Variants in PXDNL observed in about 807,000 individuals in gnomAD.
PXDNL encodes peroxidasin like.
Under a neutral mutation model 150.8 loss-of-function variants are expected in PXDNL, and 145 were observed. The ratio of observed to expected loss-of-function variants is 0.96; its 90% CI spans 0.84 to 1.10. The LOEUF (loss-of-function observed/expected upper bound fraction) is 1.10, where lower values mean the gene tolerates loss of function less well. Among genes scored for constraint, PXDNL ranks in the 50% least tolerant of loss-of-function variants. PXDNL has a pLI of 0.00. For synonymous variants in PXDNL, 757 were observed against 725.7 expected (o/e 1.04, Z -0.69); for missense variants, 2,087 against 1,873.9 (o/e 1.11, Z -2.10).
intron 1 of PXDNL, among the ~76,000 whole-genome samples, chr8:51,663,614 C>T (rs763228177): frequency 2.0e-5 from 3 of 152,150 alleles, no homozygotes; most frequent in South Asian, 2.1e-4. Flanking sequence ...GCGGTTTTGA[C>T]GGTGGTATCC....
chr8:51,556,749 A>G (rs368182211), intron 4 of PXDNL, 91 bp downstream of exon 4: 1 of 722,966 alleles, frequency 1.4e-6, no homozygotes, highest in East Asian at 2.6e-5. Context: ...AGCTTAAAAT[A>G]ATTGTTCAAC....
At chr8:51,350,058 C>G (rs1246888724) in intron 19 of PXDNL, among the ~76,000 whole-genome samples, 3 of 152,006 alleles carry the variant, frequency 2.0e-5, no homozygotes, top group Non-Finnish European at 4.4e-5. Context: ...TTCTTTATCT[C>G]TTACCGAGAA....
At chr8:51,392,024 G>A (rs558716926) in intron 17 of PXDNL, among the ~76,000 whole-genome samples, 3 of 152,248 alleles carry the variant, frequency 2.0e-5, no homozygotes, top group Non-Finnish European at 4.4e-5. Flanking sequence ...GTTTTTCTCA[G>A]GCTTGTCAAA....
At chr8:51,604,610 T>A (rs1158364877) in intron 2 of PXDNL, among the ~76,000 whole-genome samples, 1 of 152,196 alleles carries the variant, frequency 6.6e-6, no homozygotes, top group Non-Finnish European at 1.5e-5. Flanking sequence ...GTAACAAACC[T>A]GCACGTTGTG....
intron 1 of PXDNL, among the ~76,000 whole-genome samples, chr8:51,734,781 C>T (rs1244392651): frequency 6.6e-6 from 1 of 152,154 alleles, no homozygotes; most frequent in Non-Finnish European, 1.5e-5. Flanking sequence ...GCTGCTGAGA[C>T]TCAAAGCAAT....
chr8:51,641,037 C>G (rs561557289), intron 2 of PXDNL, among the ~76,000 whole-genome samples: 1 of 152,230 alleles, frequency 6.6e-6, no homozygotes, highest in Admixed American at 6.5e-5. Flanking sequence ...ACAGAGCCCT[C>G]AGAAATAACG....
At chr8:51,540,841 C>T (rs1225495918) in intron 4 of PXDNL, among the ~76,000 whole-genome samples, 1 of 152,090 alleles carries the variant, frequency 6.6e-6, no homozygotes, top group Non-Finnish European at 1.5e-5. Context: ...AGTTGTATCA[C>T]ATTTTGGCAC....
intron 1 of PXDNL, among the ~76,000 whole-genome samples, chr8:51,656,991 C>CG (rs35029842): frequency 0.55 from 83,057 of 152,006 alleles, 27,526 homozygotes; most frequent in Non-Finnish European, 0.72. Flanking sequence ...TGACTTATGA[C>CG]GGGGTTATGT....
At chr8:51,805,240 C>T (rs898051112) in intron 1 of PXDNL, among the ~76,000 whole-genome samples, 3 of 151,444 alleles carry the variant, frequency 2.0e-5, no homozygotes, top group Non-Finnish European at 2.9e-5. Context: ...TAAGTTATGT[C>T]GGTTACAAAC....
chr8:51,329,377 A>C (rs555678278), intron 21 of PXDNL, among the ~76,000 whole-genome samples: 32 of 152,328 alleles, frequency 2.1e-4, no homozygotes, highest in African/African-American at 7.5e-4. Context: ...AGCTACAGGA[A>C]ACACTAAACA....
intron 17 of PXDNL, among the ~76,000 whole-genome samples, chr8:51,393,934 A>C (rs1329492056): frequency 1.3e-5 from 2 of 152,206 alleles, no homozygotes; most frequent in African/African-American, 4.8e-5. Flanking sequence ...TCTTTTTTTA[A>C]GGCATCTATT....
At chr8:51,346,270 C>A (rs1806155351) in intron 19 of PXDNL, among the ~76,000 whole-genome samples, 2 of 152,182 alleles carry the variant, frequency 1.3e-5, no homozygotes, top group Admixed American at 1.3e-4. Context: ...CTTTTATTCA[C>A]TAAGGACTTG....
At chr8:51,672,996 A>G (rs1288014443) in intron 1 of PXDNL, among the ~76,000 whole-genome samples, 1 of 152,232 alleles carries the variant, frequency 6.6e-6, no homozygotes, top group East Asian at 1.9e-4. Context: ...TGCAATGCAG[A>G]TAAATCATAT....
At chr8:51,797,144 C>A (rs1321082065) in intron 1 of PXDNL, among the ~76,000 whole-genome samples, 1 of 152,140 alleles carries the variant, frequency 6.6e-6, no homozygotes, top group Non-Finnish European at 1.5e-5. Flanking sequence ...TAAAAACTCT[C>A]AATAAACTTG....
intron 1 of PXDNL, among the ~76,000 whole-genome samples, chr8:51,669,415 A>G (rs966916088): frequency 2.6e-5 from 4 of 152,210 alleles, no homozygotes; most frequent in Non-Finnish European, 5.9e-5. Context: ...GTTTCTAGTC[A>G]GCAGTTTTAT....
intron 1 of PXDNL, among the ~76,000 whole-genome samples, chr8:51,723,778 C>G (rs1412060691): frequency 6.6e-6 from 1 of 152,128 alleles, no homozygotes; most frequent in African/African-American, 2.4e-5. Flanking sequence ...CCACTGAAAA[C>G]ATTAGGCAGG....
At chr8:51,377,475 C>G (rs941999414) in intron 17 of PXDNL, among the ~76,000 whole-genome samples, 3 of 152,304 alleles carry the variant, frequency 2.0e-5, no homozygotes, top group South Asian at 4.1e-4. Flanking sequence ...CTGAGCTAAA[C>G]GAGGCCGGAG....
At chr8:51,608,640 A>T (rs1463404262) in intron 2 of PXDNL, among the ~76,000 whole-genome samples, 1 of 148,956 alleles carries the variant, frequency 6.7e-6, no homozygotes, top group East Asian at 2.0e-4. Flanking sequence ...GATCCAGACC[A>T]TCCTGGCTAA....
intron 1 of PXDNL, among the ~76,000 whole-genome samples, chr8:51,789,350 T>C (rs2037489987): frequency 6.6e-6 from 1 of 152,172 alleles, no homozygotes; most frequent in Non-Finnish European, 1.5e-5. Context: ...TTTTTCTCTT[T>C]TCCAGGAAGG....
Sources: gnomAD v4.1 joint callset for allele counts (sites outside exome capture counted in the v4.1 genomes callset) on GRCh38, gnomAD v4.1.1 for gene constraint, MANE v1.5 for transcripts, NCBI Gene and HGNC (gene_info 2026-07-23, HGNC 2026-07-21) for gene names.